Variants in CNKSR2 observed in about 807,000 individuals in gnomAD.
CNKSR2 encodes connector enhancer of kinase suppressor of Ras 2, also known as CNK homolog protein 2.
Under a neutral mutation model 84.4 loss-of-function variants are expected in CNKSR2, and 14 were observed. The observed-to-expected ratio is 0.17, with a 90% CI of 0.11 to 0.26. CNKSR2 has a LOEUF of 0.26. Among genes scored for constraint, CNKSR2 ranks in the 10% least tolerant of loss-of-function variants. CNKSR2 has a pLI of 1.00. For missense variants in CNKSR2, 485 were observed against 771.2 expected (o/e 0.63, Z 4.40); for synonymous variants, 275 against 277.9 (o/e 0.99, Z 0.10).
chrX:21,563,645 T>C (rs1483345585), intron 13 of CNKSR2, among the ~76,000 whole-genome samples, 193 bp downstream of exon 13: 1 of 111,826 alleles, frequency 8.9e-6, no homozygotes, highest in African/African-American at 3.2e-5. Context: ...AATGAGTTCA[T>C]AGTTGTAGCA....
chrX:21,434,937 C>T (rs1396927117), intron 3 of CNKSR2, among the ~76,000 whole-genome samples: 1 of 106,427 alleles, frequency 9.4e-6, no homozygotes, highest in Non-Finnish European at 1.9e-5. Flanking sequence ...TGTGAAATAA[C>T]TTGCCTAAAG....
Position 21,590,588 on chromosome X carries a change from C to T in CNKSR2, c.1625C>T (p.Ser542Leu), listed in dbSNP as rs762005405. Residue 542 changes from serine to leucine, a missense_variant, in exon 14 of 22, where the codon TCA becomes TTA. Ser to Leu is a moderately radical substitution (Grantham distance 145, BLOSUM62 -2). Transcript: ENST00000379510. ...TTLYHTFQQS[S>L]LQHKSKKKNK... Reference sequence around the variant, plus strand: ...TGATTTCAGACATTTCAGCAGTCCTCACTGCAGCACAAATCAAAGAAGAAA... The same window carrying T: ...TGATTTCAGACATTTCAGCAGTCCTTACTGCAGCACAAATCAAAGAAGAAA... 1.7e-6 allele frequency: 2 copies of T among 1,208,213 alleles called. No homozygotes were observed. The highest frequency in any genetic ancestry group is 2.2e-6 in the Non-Finnish European group (2 of 893,413).
intron 20 of CNKSR2, among the ~76,000 whole-genome samples, chrX:21,624,273 G>A (rs758714488): frequency 9.0e-6 from 1 of 111,539 alleles, no homozygotes; most frequent in Non-Finnish European, 1.9e-5. Flanking sequence ...CACTAAGCAG[G>A]GTGTGGCTAT....
At chrX:21,456,051 A>G (rs980690183) in intron 4 of CNKSR2, among the ~76,000 whole-genome samples, 6 of 111,335 alleles carry the variant, frequency 5.4e-5, no homozygotes, top group African/African-American at 9.8e-5. Flanking sequence ...CTACTAATTT[A>G]TATTTTTCCA....
chrX:21,531,764 T>C, intron 10 of CNKSR2, 92 bp from the exon 11 acceptor site: 1 of 530,519 alleles, frequency 1.9e-6, no homozygotes, highest in Non-Finnish European at 3.2e-6. Flanking sequence ...AGATATATTG[T>C]ATGGGAGTAA....
In CNKSR2 at chrX:21,402,685, A is replaced by G. The variant is rs956881913; in HGVS notation, c.65-23812A>G. Among the ~76,000 whole-genome samples, 4 of 111,196 alleles carry G rather than the reference A, an allele frequency of 3.6e-5. 1 individual carries two copies. Among genetic ancestry groups the G allele is most frequent in the Non-Finnish European group, 7.6e-5 (4 of 52,796 alleles). On this transcript the variant is annotated intron_variant, in intron 1 of 21. Transcript: ENST00000379510. The stretch of plus-strand genomic sequence containing the variant: ...CTGGTTTACCGTCTTAATTATGTTT[A>G]GGACATAATTCTTAAATTGATCTGT...
intron 1 of CNKSR2, among the ~76,000 whole-genome samples, chrX:21,397,278 T>C (rs918244786): frequency 1.8e-5 from 2 of 111,868 alleles, no homozygotes; most frequent in African/African-American, 3.2e-5. Flanking sequence ...GAATAATTTA[T>C]TGTAATTCAC....
At chrX:21,572,550 G>T (rs778794757) in intron 13 of CNKSR2, among the ~76,000 whole-genome samples, 1 of 111,595 alleles carries the variant, frequency 9.0e-6, no homozygotes, top group East Asian at 2.8e-4. Flanking sequence ...GACTGGGGAG[G>T]CCTCAGGAAA....
intron 3 of CNKSR2, among the ~76,000 whole-genome samples, chrX:21,438,212 C>G (rs937292465): frequency 3.8e-4 from 43 of 111,865 alleles, no homozygotes; most frequent in African/African-American, 1.4e-3. Context: ...TGCTCCTAGG[C>G]TAGAAACCTG....
chrX:21,541,185 G>A (rs1183669304), intron 11 of CNKSR2, among the ~76,000 whole-genome samples: 1 of 110,893 alleles, frequency 9.0e-6, no homozygotes, highest in Non-Finnish European at 1.9e-5. Context: ...GTTTCACCGT[G>A]TTGGCCAGGA....
In CNKSR2 at chrX:21,584,793, A is replaced by G. The variant is rs181958630; in HGVS notation, c.1609-5779A>G. 5.4e-5 allele frequency among the ~76,000 whole-genome samples: 6 copies of G among 111,660 alleles called. No individual in the cohort carries two copies. In the Middle Eastern group the frequency reaches 0.014, roughly 260 times the overall value. ...TTAGCAAGGGGAGAGCAGTAGGCAA[A>G]GGTAACAGGGGACCAGATCATGTAG... is the stretch of plus-strand genomic sequence containing the variant. On this transcript the variant is annotated intron_variant, in intron 13 of 21. Transcript: ENST00000379510.
chrX:21,650,065 C>T (rs1473871424), intron 21 of CNKSR2, among the ~76,000 whole-genome samples: 1 of 111,198 alleles, frequency 9.0e-6, no homozygotes, highest in Non-Finnish European at 1.9e-5. Flanking sequence ...CCCAGCCATC[C>T]CATTACTGGG....
chrX:21,539,537 T>C lies in CNKSR2; in HGVS notation c.1303+7470T>C, dbSNP rs773522721. ...CCTTTGGTGTATATTGCTAGAGTTG[T>C]GTTCCTTTGGAAGTGTCATATTTCC... On this transcript the variant is annotated intron_variant, in intron 11 of 21. Transcript: ENST00000379510. Among the ~76,000 whole-genome samples the C allele has an allele frequency of 5.4e-5, 6 of 111,686 alleles. 1 individual carries two copies. In the South Asian group the frequency reaches 2.2e-3, roughly 42 times the overall value.
chrX:21,408,349 G>T (rs1395409601), intron 1 of CNKSR2, among the ~76,000 whole-genome samples: 1 of 111,474 alleles, frequency 9.0e-6, no homozygotes, highest in Non-Finnish European at 1.9e-5. Flanking sequence ...TGTGTAGCAG[G>T]CAATGGTAGT....
chrX:21,505,713 C>T (rs1384046320), intron 8 of CNKSR2: 1 of 111,182 alleles, frequency 9.0e-6, no homozygotes, highest in Non-Finnish European at 1.9e-5. Context: ...CCAACATAAT[C>T]AGAATGGATA....
chrX:21,415,546 C>T (rs1044222777), intron 1 of CNKSR2, among the ~76,000 whole-genome samples: 1 of 98,372 alleles, frequency 1.0e-5, no homozygotes, highest in Non-Finnish European at 2.0e-5. Context: ...TGAGAACATG[C>T]GGTGTTTGGT....
At chrX:21,477,060 G>A (rs2147156404) in intron 5 of CNKSR2, among the ~76,000 whole-genome samples, 1 of 111,991 alleles carries the variant, frequency 8.9e-6, no homozygotes, top group African/African-American at 3.2e-5. Flanking sequence ...CAGAGCTTGT[G>A]CTTTAGCAGA....
At chrX:21,519,132 C>T (rs1258418301) in intron 9 of CNKSR2, among the ~76,000 whole-genome samples, 1 of 111,271 alleles carries the variant, frequency 9.0e-6, no homozygotes, top group Admixed American at 9.6e-5. Context: ...CATACCGCAC[C>T]ACTACCGAAT....
intron 15 of CNKSR2, chrX:21,593,715 G>GA (rs1402418865): frequency 1.8e-5 from 2 of 111,593 alleles, no homozygotes; most frequent in African/African-American, 6.5e-5. Flanking sequence ...TTTTCCAGGT[G>GA]AAAAATGACC....
Sources: gnomAD v4.1 joint callset for allele counts (sites outside exome capture counted in the v4.1 genomes callset) on GRCh38, gnomAD v4.1.1 for gene constraint, MANE v1.5 for transcripts, NCBI Gene and HGNC (gene_info 2026-07-23, HGNC 2026-07-21) for gene names.